AGAP1: variants seen among roughly 807,000 people sequenced by gnomAD.
AGAP1 encodes the protein arf-GAP with GTPase, ANK repeat and PH domain-containing protein 1.
Under a neutral mutation model 105.3 loss-of-function variants are expected in AGAP1, and 29 were observed. That is an observed-to-expected ratio of 0.28 (90% CI 0.21 to 0.38). The LOEUF (loss-of-function observed/expected upper bound fraction) is 0.38, where lower values mean the gene tolerates loss of function less well. AGAP1 is among the 10% of genes least tolerant of loss of function. The pLI is 1.00. For missense variants in AGAP1, 998 were observed against 1,165.1 expected (o/e 0.86, Z 2.09); for synonymous variants, 509 against 485.9 (o/e 1.05, Z -0.63).
At chr2:235,807,464 C>A in intron 9 of AGAP1, 133 bp downstream of exon 9, 1 of 683,550 alleles carries the variant, frequency 1.5e-6, no homozygotes, top group Non-Finnish European at 2.3e-6. Flanking sequence ...TCTCACTTGA[C>A]ATCAATTAGC....
Position 235,697,928 on chromosome 2 carries a change from T to C in AGAP1, c.164-11251T>C, listed in dbSNP as rs138194264. On this transcript the variant is annotated intron_variant, in intron 1 of 17. Transcript: ENST00000304032. ...CTTGTCTTAACTTCAGCAAATACAG[T>C]GGCTCTTGCATACTACCAGCATCTA... Among the ~76,000 whole-genome samples, 3 of 152,324 alleles carry C rather than the reference T, an allele frequency of 2.0e-5. No homozygotes were observed. The East Asian group carries it at 5.8e-4, about 29-fold the overall frequency.
In AGAP1 at chr2:235,872,610, G is replaced by T. The variant is rs1417510017; in HGVS notation, c.1051-10735G>T. Among the ~76,000 whole-genome samples, 1 of 152,166 alleles carries T rather than the reference G, an allele frequency of 6.6e-6. No homozygotes were observed. The highest frequency in any genetic ancestry group is 1.5e-5 in the Non-Finnish European group (1 of 68,038). On this transcript the variant is annotated intron_variant, in intron 9 of 17. Coordinates refer to ENST00000304032, the MANE Select transcript of AGAP1 (RefSeq NM_001037131.3). This position sits in a 1 kb window ranked among gnomAD's most constrained non-coding sequence, Gnocchi z 4.5. ...TTCATGTCCTCTAAAAGTTTCAAATGAACTATTTTTAGGGTTTTCCATTTT... is the reference window on the plus strand; with the variant it reads ...TTCATGTCCTCTAAAAGTTTCAAATTAACTATTTTTAGGGTTTTCCATTTT...
intron 1 of AGAP1, among the ~76,000 whole-genome samples, chr2:235,591,925 A>G (rs1335504643): frequency 7.6e-6 from 1 of 130,812 alleles, no homozygotes; most frequent in Non-Finnish European, 1.5e-5. Flanking sequence ...GTCTTCCCAC[A>G]TGATTGGAAG....
intron 13 of AGAP1, among the ~76,000 whole-genome samples, chr2:236,016,443 C>T (rs1383103431): frequency 1.5e-5 from 2 of 132,924 alleles, no homozygotes; most frequent in Non-Finnish European, 3.2e-5. Flanking sequence ...TTATTGACTT[C>T]CAGCCTTTAA....
chr2:235,510,969 G>GT (rs1346447470), intron 1 of AGAP1, among the ~76,000 whole-genome samples: 1 of 102,584 alleles, frequency 9.7e-6, no homozygotes, highest in Non-Finnish European at 1.7e-5. Context: ...GCCAAGATCA[G>GT]TTTTCAACAA....
At position 235,740,948 on chromosome 2, in the gene AGAP1, TTG is replaced by T. The variant is rs754838977; in HGVS notation, c.311-6_311-5del. ...TGTTGTTCTCGTGTAACGAGATGTT[TTG>T]TGTGTGTGGCAGGTGGCAGGTTCAA... On this transcript the variant is annotated splice_polypyrimidine_tract_variant and intron_variant, in intron 3 of 17. Coordinates refer to ENST00000304032, the MANE Select transcript of AGAP1 (RefSeq NM_001037131.3). This position sits in a 1 kb window ranked among gnomAD's most constrained non-coding sequence, Gnocchi z 5.7. 6.8e-6 allele frequency: 11 copies of T among 1,614,052 alleles called. No homozygotes were observed. The highest frequency in any genetic ancestry group is 3.3e-5 in the Admixed American group (2 of 60,008).
chr2:235,784,080 C>T (rs1044628872), intron 6 of AGAP1, among the ~76,000 whole-genome samples: 44 of 152,110 alleles, frequency 2.9e-4, no homozygotes, highest in African/African-American at 9.9e-4. Context: ...AGGAGGTGTT[C>T]GCTTTCAAAT....
At chr2:235,602,576 G>A (rs1486598410) in intron 1 of AGAP1, among the ~76,000 whole-genome samples, 1 of 152,180 alleles carries the variant, frequency 6.6e-6, no homozygotes, top group African/African-American at 2.4e-5. Flanking sequence ...CCTGCATTTT[G>A]CCCTTCCTTC....
chr2:235,852,887 C>T (rs1169148602), intron 9 of AGAP1: 6 of 1,340,034 alleles, frequency 4.5e-6, no homozygotes, highest in South Asian at 2.1e-5. Flanking sequence ...AACTCCAGAT[C>T]GGCCGATAGC....
intron 12 of AGAP1, among the ~76,000 whole-genome samples, chr2:235,952,221 C>T (rs148750963): frequency 2.2e-3 from 329 of 152,152 alleles, no homozygotes; most frequent in Non-Finnish European, 3.5e-3. Flanking sequence ...AGAGGTGAAC[C>T]GCAGCCTCAG....
chr2:235,633,271 C>T lies in AGAP1; in HGVS notation c.164-75908C>T, dbSNP rs2149291514. On this transcript the variant is annotated intron_variant, in intron 1 of 17. Coordinates refer to ENST00000304032, the MANE Select transcript of AGAP1 (RefSeq NM_001037131.3). This position sits in a 1 kb window ranked among gnomAD's most constrained non-coding sequence, Gnocchi z 4.8. ...GTGCCTTGGTTCCATGACTTGGGGGCAGCCAAGTAGAAGTGGAATTGGACA... is the reference window on the plus strand; with the variant it reads ...GTGCCTTGGTTCCATGACTTGGGGGTAGCCAAGTAGAAGTGGAATTGGACA... Among the ~76,000 whole-genome samples the T allele has an allele frequency of 6.6e-6, 1 of 152,196 alleles. No homozygotes were observed. Among genetic ancestry groups the T allele is most frequent in the Non-Finnish European group, 1.5e-5 (1 of 68,012 alleles).
intron 6 of AGAP1, among the ~76,000 whole-genome samples, chr2:235,759,164 CTT>C (rs560528348): frequency 1.4e-3 from 145 of 104,084 alleles, no homozygotes; most frequent in East Asian, 2.5e-3. Flanking sequence ...TGATGTCATT[CTT>C]TTTTTTTTTT....
rs752196362 is a variant in AGAP1, at chr2:235,551,387, C to T, written c.163+56538C>T. ...TGGCTTGATCATAGCTCACTGCAGCCTCAACCTCCCCAGGCTCAGGTCGTC... is the reference window on the plus strand; with the variant it reads ...TGGCTTGATCATAGCTCACTGCAGCTTCAACCTCCCCAGGCTCAGGTCGTC... On this transcript the variant is annotated intron_variant, in intron 1 of 17. Transcript: ENST00000304032. The surrounding 1 kb of genome is among the most constrained non-coding windows in gnomAD (Gnocchi z 4.8). Among the ~76,000 whole-genome samples the T allele has an allele frequency of 6.6e-6, 1 of 152,104 alleles. No individual in the cohort carries two copies. Among genetic ancestry groups the T allele is most frequent in the Non-Finnish European group, 1.5e-5 (1 of 68,012 alleles).
intron 2 of AGAP1, among the ~76,000 whole-genome samples, chr2:235,715,575 G>A (rs2149537530): frequency 6.6e-6 from 1 of 152,324 alleles, no homozygotes; most frequent in Admixed American, 6.5e-5. Flanking sequence ...GATTTGGAAG[G>A]AGACAGTTTG....
chr2:235,891,269 A>G lies in AGAP1; in HGVS notation c.1155+7820A>G, dbSNP rs2050527375. On this transcript the variant is annotated intron_variant, in intron 10 of 17. Transcript: ENST00000304032. The surrounding 1 kb of genome is among the most constrained non-coding windows in gnomAD (Gnocchi z 4.2). The stretch of plus-strand genomic sequence containing the variant: ...CATTTAAATAAGACTGACACGGTCA[A>G]AGCAAGCACGCTGGCTGATGCTGCT... Among the ~76,000 whole-genome samples, 1 of 152,216 alleles carries G rather than the reference A, an allele frequency of 6.6e-6. No individual in the cohort carries two copies. The highest frequency in any genetic ancestry group is 2.4e-5 in the African/African-American group (1 of 41,462).
rs1399678032 is a variant in AGAP1, at chr2:235,545,808, G to A, written c.163+50959G>A. The stretch of plus-strand genomic sequence containing the variant: ...TGGATTCTGTCTTGGCTCTGCTGGT[G>A]CTGAAAGTTCCCCAGGCCCAGGACC... On this transcript the variant is annotated intron_variant, in intron 1 of 17. Transcript: ENST00000304032. Among the ~76,000 whole-genome samples, 3 of 152,184 alleles carry A rather than the reference G, an allele frequency of 2.0e-5. No individual in the cohort carries two copies. In the East Asian group the frequency reaches 5.8e-4, roughly 29 times the overall value.
At chr2:236,085,205 G>A (rs1397570666) in intron 16 of AGAP1, among the ~76,000 whole-genome samples, 12 of 115,522 alleles carry the variant, frequency 1.0e-4, no homozygotes, top group Admixed American at 6.1e-4. Context: ...GACAGAACGA[G>A]ACTCCGTCTC....
At chr2:235,881,680 A>C (rs564290996) in intron 9 of AGAP1, among the ~76,000 whole-genome samples, 43 of 152,354 alleles carry the variant, frequency 2.8e-4, no homozygotes, top group African/African-American at 1.0e-3. Context: ...GCCCAAGCTC[A>C]GTGTTGGCCG....
rs1468498171 is a variant in AGAP1 at position 235,550,442 on chromosome 2, C to G, written c.163+55593C>G. Among the ~76,000 whole-genome samples the G allele has an allele frequency of 6.6e-6, 1 of 152,180 alleles. No individual in the cohort carries two copies. Among genetic ancestry groups the G allele is most frequent in the African/African-American group, 2.4e-5 (1 of 41,446 alleles). On this transcript the variant is annotated intron_variant, in intron 1 of 17. Coordinates refer to ENST00000304032, the MANE Select transcript of AGAP1 (RefSeq NM_001037131.3). The surrounding 1 kb of genome is among the most constrained non-coding windows in gnomAD (Gnocchi z 4.6). ...GCACACGGGCTGTCAGGTCCTGGTCCCAGCTCTGCCTTCCTCTCCTCAAAT... is the reference window on the plus strand; with the variant it reads ...GCACACGGGCTGTCAGGTCCTGGTCGCAGCTCTGCCTTCCTCTCCTCAAAT...
Sources: allele counts gnomAD v4.1 joint callset (sites outside exome capture counted in the v4.1 genomes callset), GRCh38; gene constraint gnomAD v4.1.1; non-coding constraint Gnocchi (gnomAD v3.1); transcripts MANE v1.5; gene names NCBI Gene and HGNC (gene_info 2026-07-23, HGNC 2026-07-21).